The following DIP2C variants were observed in gnomAD, a reference collection of about 807,000 sequenced individuals.
The protein encoded by DIP2C is disco-interacting protein 2 homolog C.
In DIP2C, 33 loss-of-function variants were observed where a neutral mutation model predicts 192.4. That is an observed-to-expected ratio of 0.17 (90% CI 0.13 to 0.23). The LOEUF (loss-of-function observed/expected upper bound fraction) is 0.23. Ranked by LOEUF, DIP2C falls within the 10% of genes least tolerant of loss-of-function variation. DIP2C has a pLI of 1.00. For missense variants in DIP2C, 1,537 were observed against 2,110.1 expected (o/e 0.73, Z 5.32); for synonymous variants, 979 against 864.1 (o/e 1.13, Z -2.33).
Position 317,646 on chromosome 10 carries a change from G to A in DIP2C, c.3925-7554C>T, listed in dbSNP as rs867001195. ...ATAGAGAATCCCTTGCTGAAAGCCA[G>A]GCGAACACTTGAAGCTGTGCAGTTA... On this transcript the variant is annotated intron_variant, in intron 31 of 36. Transcript: ENST00000280886. Among the ~76,000 whole-genome samples, 5 of 152,312 alleles carry A rather than the reference G, an allele frequency of 3.3e-5. 2 individuals carry two copies. The South Asian group carries it at 1.0e-3, about 32-fold the overall frequency.
intron 1 of DIP2C, among the ~76,000 whole-genome samples, chr10:576,581 G>A (rs554270825): frequency 1.2e-4 from 19 of 152,224 alleles, no homozygotes; most frequent in Non-Finnish European, 1.9e-4. Flanking sequence ...AATACAACCA[G>A]GTGCTATCAT....
At chr10:288,490 C>T (rs1179405125) in intron 32 of DIP2C, 69 bp from the exon 33 acceptor site, 16 of 1,519,188 alleles carry the variant, frequency 1.1e-5, no homozygotes, top group South Asian at 2.3e-5. Flanking sequence ...CCAATTCACA[C>T]GAGGTCACGA....
At chr10:331,663 T>C (rs775088260) in intron 29 of DIP2C, among the ~76,000 whole-genome samples, 9 of 152,248 alleles carry the variant, frequency 5.9e-5, no homozygotes, top group Non-Finnish European at 7.3e-5. Context: ...TGCCATTTTA[T>C]ATCAGGGACT....
At chr10:341,823 G>T (rs914860273) in intron 28 of DIP2C, among the ~76,000 whole-genome samples, 23 of 152,158 alleles carry the variant, frequency 1.5e-4, no homozygotes, top group African/African-American at 5.6e-4. Context: ...CGGCTGCAGT[G>T]AGCTATGATT....
chr10:326,681 GA>G (rs1957285758), intron 31 of DIP2C, among the ~76,000 whole-genome samples: 1 of 152,192 alleles, frequency 6.6e-6, no homozygotes, highest in Non-Finnish European at 1.5e-5. Context: ...TAAGTACTTC[GA>G]GGGACTGGTT....
At chr10:515,750 G>A (rs1349603547) in intron 1 of DIP2C, among the ~76,000 whole-genome samples, 1 of 151,882 alleles carries the variant, frequency 6.6e-6, no homozygotes, top group Non-Finnish European at 1.5e-5. Context: ...AAATAAGAAA[G>A]CCTTCAGAAA....
chr10:579,810 CTAT>C (rs1850475048), intron 1 of DIP2C, among the ~76,000 whole-genome samples: 1 of 151,808 alleles, frequency 6.6e-6, no homozygotes, highest in African/African-American at 2.4e-5. Flanking sequence ...CATAGGTACA[CTAT>C]AATGTGTACA....
chr10:547,461 C>T lies in DIP2C; in HGVS notation c.86-60931G>A, dbSNP rs577310726. Among the ~76,000 whole-genome samples the T allele has an allele frequency of 9.2e-5, 14 of 152,162 alleles. No individual in the cohort carries two copies. The South Asian group carries it at 1.0e-3, about 11-fold the overall frequency. On this transcript the variant is annotated intron_variant, in intron 1 of 36. Transcript: ENST00000280886. Reference sequence around the variant, plus strand: ...ACTGAGAAGGAAGGAAGGTTGACAGCGAAGTACCCAGCAAATACTCAGGCC... The same window carrying T: ...ACTGAGAAGGAAGGAAGGTTGACAGTGAAGTACCCAGCAAATACTCAGGCC...
At chr10:353,287 A>G (rs1958913259) in intron 24 of DIP2C, among the ~76,000 whole-genome samples, 2 of 152,352 alleles carry the variant, frequency 1.3e-5, no homozygotes, top group Admixed American at 1.3e-4. Flanking sequence ...TGGGGGAAAA[A>G]AAACCCAAGA....
intron 1 of DIP2C, among the ~76,000 whole-genome samples, chr10:530,472 A>G (rs1175926827): frequency 6.6e-6 from 1 of 152,072 alleles, no homozygotes; most frequent in Non-Finnish European, 1.5e-5. Flanking sequence ...AAGGCCAACC[A>G]GCCTGCTTGA....
At chr10:549,758 C>T (rs1184461887) in intron 1 of DIP2C, among the ~76,000 whole-genome samples, 1 of 152,174 alleles carries the variant, frequency 6.6e-6, no homozygotes, top group African/African-American at 2.4e-5. Flanking sequence ...AAGCTCGCAG[C>T]AAGTCCAGGT....
At chr10:323,514 C>G (rs1957121650) in intron 31 of DIP2C, among the ~76,000 whole-genome samples, 1 of 152,242 alleles carries the variant, frequency 6.6e-6, no homozygotes, top group Non-Finnish European at 1.5e-5. Context: ...TTTCCACACT[C>G]ACTCACGATG....
intron 31 of DIP2C, among the ~76,000 whole-genome samples, chr10:323,189 C>CTGAGA (rs1369782383): frequency 3.3e-4 from 4 of 12,292 alleles, no homozygotes; most frequent in East Asian, 1.6e-3. Flanking sequence ...AACAGTCAGT[C>CTGAGA]GGGGGTGCGG....
In DIP2C at chr10:441,561, G is replaced by A. The variant is rs371426957; in HGVS notation, c.269-565C>T. ...GGCCCATCTTTCCCGTGCTATTATC[G>A]TGATAGTGAGTAAGTTTCATGAGAT... On this transcript the variant is annotated intron_variant, in intron 3 of 36. Transcript: ENST00000280886. Among the ~76,000 whole-genome samples the A allele has an allele frequency of 1.3e-3, 191 of 152,048 alleles. 4 individuals carry two copies. In the South Asian group the frequency reaches 0.037, roughly 30 times the overall value.
intron 3 of DIP2C, among the ~76,000 whole-genome samples, chr10:445,930 C>T (rs1364531604): frequency 6.6e-6 from 1 of 151,708 alleles, no homozygotes; most frequent in African/African-American, 2.4e-5. Flanking sequence ...TGAAGTCTCA[C>T]AGGCCCACTG....
At chr10:313,854 G>T (rs1956663350) in intron 31 of DIP2C, among the ~76,000 whole-genome samples, 1 of 152,198 alleles carries the variant, frequency 6.6e-6, no homozygotes, top group Non-Finnish European at 1.5e-5. Context: ...TATCAGCACA[G>T]AAAACACAAA....
chr10:640,685 GCGGGGAAGAGGC>G (rs1564295022), intron 1 of DIP2C, among the ~76,000 whole-genome samples: 3 of 150,254 alleles, frequency 2.0e-5, no homozygotes, highest in African/African-American at 7.4e-5. Flanking sequence ...GAGGGTGCGC[GCGGGGAAGAGGC>G]TGCGCGCGGG....
Position 390,806 on chromosome 10 carries a change from A to C in DIP2C, c.1318T>G (p.Leu440Val). The change falls in exon 11 of 37, where the codon TTG (leucine) becomes GTG (valine). Residue 440 changes from leucine to valine, a missense_variant. By Grantham distance (32) the Leu-to-Val change is conservative. Coordinates refer to ENST00000280886, the MANE Select transcript of DIP2C (RefSeq NM_014974.3). ...CCTTTATGGCAGGCGTCACTAGTCA[A>C]GGCTACAGTAACTCCACAGCTTCCA... Reference protein sequence around the residue: ...LLGSCGVTVALTSDACHKGLP... With the variant: ...LLGSCGVTVAVTSDACHKGLP... The C allele has an allele frequency of 6.2e-7, 1 of 1,614,148 alleles. No homozygotes were observed. Among genetic ancestry groups the C allele is most frequent in the South Asian group, 1.1e-5 (1 of 91,084 alleles).
At chr10:301,987 T>C (rs1956074558) in intron 32 of DIP2C, among the ~76,000 whole-genome samples, 1 of 137,206 alleles carries the variant, frequency 7.3e-6, no homozygotes, top group Non-Finnish European at 1.6e-5. Flanking sequence ...AGTTTTCAAG[T>C]AGACTGCAAG....
Sources: allele counts gnomAD v4.1 joint callset (sites outside exome capture counted in the v4.1 genomes callset), GRCh38; gene constraint gnomAD v4.1.1; transcripts MANE v1.5; gene names NCBI Gene and HGNC (gene_info 2026-07-23, HGNC 2026-07-21).